The following SLC5A12 variants were observed in gnomAD, a reference collection of about 807,000 sequenced individuals.
The protein encoded by SLC5A12 is sodium-coupled monocarboxylate transporter 2.
A neutral mutation model predicts 72.7 loss-of-function variants in SLC5A12; 46 were observed. The observed-to-expected ratio is 0.63, with a 90% CI of 0.50 to 0.81. The LOEUF is 0.81. Ranked by LOEUF, SLC5A12 falls within the 30% of genes least tolerant of loss-of-function variation. The probability of loss-of-function intolerance (pLI) is 0.00; values close to 1 mark genes in which losing one functional copy is unlikely to be tolerated. For synonymous variants in SLC5A12, 275 were observed against 264.4 expected, an observed-to-expected ratio of 1.04 and a Z score of -0.39; for missense variants, 683 against 740.7, an observed-to-expected ratio of 0.92 and a Z score of 0.90.
chr11:26,708,370 T>C (rs1165751757), intron 4 of SLC5A12, among the ~76,000 whole-genome samples: 1 of 151,948 alleles, frequency 6.6e-6, no homozygotes, highest in Non-Finnish European at 1.5e-5. Flanking sequence ...AGAATCATGG[T>C]AATGAGAATG....
intron 13 of SLC5A12, among the ~76,000 whole-genome samples, chr11:26,677,516 T>C (rs61877308): frequency 0.031 from 4,730 of 152,164 alleles, 101 homozygotes; most frequent in Non-Finnish European, 0.049. Context: ...TCTAGGTATA[T>C]CCCACTAGCA....
chr11:26,690,357 A>G (rs1416702100), intron 9 of SLC5A12, among the ~76,000 whole-genome samples: 1 of 152,120 alleles, frequency 6.6e-6, no homozygotes, highest in East Asian at 1.9e-4. Flanking sequence ...TATAATATAA[A>G]ACAAGATGGT....
Position 26,721,962 on chromosome 11 carries a change from C to A in SLC5A12, c.-248G>T. 2.0e-6 allele frequency: 1 copy of A among 500,560 alleles called. No homozygotes were observed. Among genetic ancestry groups the A allele is most frequent in the Non-Finnish European group, 3.6e-6 (1 of 281,182 alleles). The allele number at this position is 500,560 out of a possible 1,614,324, so 31.0% of individuals were successfully genotyped here. ...GCACCAAGAGATGAGAATTTGAAAT[C>A]TGACCCTAGCTAAGAGCTGTCTGCT... On this transcript the variant is annotated 5_prime_UTR_variant, in exon 1 of 15. Coordinates refer to ENST00000396005, the MANE Select transcript of SLC5A12 (RefSeq NM_178498.4).
intron 13 of SLC5A12, among the ~76,000 whole-genome samples, chr11:26,676,354 GAAAACAAA>G (rs1225433274): frequency 1.1e-4 from 12 of 107,348 alleles, no homozygotes; most frequent in East Asian, 7.8e-4. Flanking sequence ...TCTGTTTCTA[GAAAACAAA>G]AAAAAAAAAA....
chr11:26,710,480 C>A (rs1226750147), intron 3 of SLC5A12, among the ~76,000 whole-genome samples: 5 of 152,072 alleles, frequency 3.3e-5, no homozygotes, highest in Non-Finnish European at 7.4e-5. Flanking sequence ...AAAAGCATTC[C>A]TATTTCTCCA....
rs142379428 is a variant in SLC5A12 at position 26,717,655 on chromosome 11, G to A, written c.339+3721C>T. ...AGTTGGCTATTGCTATATAACACTC[G>A]CCTCCAAACTCATTGGCTCAAAAAC... is the stretch of plus-strand genomic sequence containing the variant. On this transcript the variant is annotated intron_variant, in intron 1 of 14. Coordinates refer to ENST00000396005, the MANE Select transcript of SLC5A12 (RefSeq NM_178498.4). Among the ~76,000 whole-genome samples, 219 of 152,158 alleles carry A rather than the reference G, an allele frequency of 1.4e-3. 2 individuals carry two copies. Among genetic ancestry groups the A allele is most frequent in the African/African-American group, 4.9e-3 (204 of 41,512 alleles).
intron 9 of SLC5A12, among the ~76,000 whole-genome samples, chr11:26,689,187 G>A (rs1258431342): frequency 6.6e-6 from 1 of 151,838 alleles, no homozygotes; most frequent in African/African-American, 2.4e-5. Context: ...GCTGAGGTCA[G>A]GAGTTTGAGA....
Position 26,681,877 on chromosome 11 carries a change from A to T in SLC5A12, c.1309-656T>A, listed in dbSNP as rs145411560. ...GCTAGGAAACTGAGCCTTCTGAGTC[A>T]GAGAAAAGAAACCTGTTGGCTTCTC... is the stretch of plus-strand genomic sequence containing the variant. On this transcript the variant is annotated intron_variant, in intron 11 of 14. Transcript: ENST00000396005. 3.0e-3 allele frequency among the ~76,000 whole-genome samples: 464 copies of T among 152,184 alleles called. 1 individual carries two copies. Among genetic ancestry groups the T allele is most frequent in the Non-Finnish European group, 5.4e-3 (367 of 67,998 alleles).
rs961204597 is a variant in SLC5A12 at position 26,671,001 on chromosome 11, G to A, written c.*101C>T. On this transcript the variant is annotated 3_prime_UTR_variant, in exon 15 of 15. Coordinates refer to ENST00000396005, the MANE Select transcript of SLC5A12 (RefSeq NM_178498.4). The stretch of plus-strand genomic sequence containing the variant: ...CAGACATCCCTGTCTTCTAGCAATG[G>A]CAACTATACATATCTACTAACAAGT... The A allele has an allele frequency of 1.9e-6, 2 of 1,059,198 alleles. No homozygotes were observed. Among genetic ancestry groups the A allele is most frequent in the African/African-American group, 3.3e-5 (2 of 60,862 alleles). The allele number at this position is 1,059,198 out of a possible 1,614,324, so 65.6% of individuals were successfully genotyped here.
intron 4 of SLC5A12, 28 bp from the exon 5 acceptor site, chr11:26,703,975 TGAAAACAAACCCTGTAACTG>T (rs750967937): frequency 6.2e-7 from 1 of 1,612,088 alleles, no homozygotes; most frequent in East Asian, 2.2e-5. Context: ...TTTGAGTCCT[TGAAAACAAACCCTGTAACTG>T]TACTGGCTCT....
Position 26,689,148 on chromosome 11 carries a change from C to CA in SLC5A12, c.1154-2605dup, listed in dbSNP as rs1316373652. Among the ~76,000 whole-genome samples the CA allele has an allele frequency of 2.0e-5, 3 of 149,576 alleles. No individual in the cohort carries two copies. In the East Asian group the frequency reaches 5.9e-4, roughly 29 times the overall value. The stretch of plus-strand genomic sequence containing the variant: ...CGGTGGCTCATGCCTGTAATCCCAG[C>CA]ACTTAGGGAGGCCTAGGCAGGCGGA... On this transcript the variant is annotated intron_variant, in intron 9 of 14. Transcript: ENST00000396005.
upstream of SLC5A12, among the ~76,000 whole-genome samples, chr11:26,723,035 T>C (rs1313294243): frequency 6.6e-6 from 1 of 150,578 alleles, no homozygotes; most frequent in Non-Finnish European, 1.5e-5. Context: ...GCTGTTCAAA[T>C]GACATTTCCT....
chr11:26,683,382 A>G (rs1854452869), intron 11 of SLC5A12, among the ~76,000 whole-genome samples: 1 of 152,200 alleles, frequency 6.6e-6, no homozygotes, highest in Admixed American at 6.6e-5. Flanking sequence ...TATACACAGA[A>G]AACAATGAGA....
At chr11:26,683,706 G>T (rs1854460060) in intron 11 of SLC5A12, 51 bp downstream of exon 11, 2 of 1,461,932 alleles carry the variant, frequency 1.4e-6, no homozygotes, top group Non-Finnish European at 1.9e-6. Context: ...AGAGAAAACG[G>T]CTGGGCCCAG....
intron 11 of SLC5A12, 63 bp downstream of exon 11, chr11:26,683,692 GGA>G: frequency 7.6e-7 from 1 of 1,310,544 alleles, no homozygotes; most frequent in African/African-American, 1.5e-5. Flanking sequence ...AGGGCTGAGA[GGA>G]GAGAGAAAAC....
At chr11:26,713,632 G>A (rs1855282944) in intron 1 of SLC5A12, among the ~76,000 whole-genome samples, 1 of 152,048 alleles carries the variant, frequency 6.6e-6, no homozygotes, top group African/African-American at 2.4e-5. Context: ...CTAATATTAA[G>A]ACTTTTTCAT....
chr11:26,669,187 T>TCTTTCTTTCTTTCTTTCTTTC lies in SLC5A12; in HGVS notation c.*1914_*1915insGAAAGAAAGAAAGAAAGAAAG. 9.0e-6 allele frequency: 1 copy of TCTTTCTTTCTTTCTTTCTTTC among 111,004 alleles called. No homozygotes were observed. Among genetic ancestry groups the TCTTTCTTTCTTTCTTTCTTTC allele is most frequent in the South Asian group, 2.8e-4 (1 of 3,546 alleles). 6.9% of individuals were successfully genotyped at this position (111,004 alleles called of 1,614,324 possible). A position where few individuals can be genotyped will look rare whatever the true frequency, so the allele number is the denominator to read the frequency against. Reference sequence around the variant, plus strand: ...TGTCTTTTTCTTTCTTTCTTTCTTCTTTTCTTTCTTTCTTTCTTTCTTTCT... The same window carrying TCTTTCTTTCTTTCTTTCTTTC: ...TGTCTTTTTCTTTCTTTCTTTCTTCTCTTTCTTTCTTTCTTTCTTTCTTTCTTTCTTTCTTTCTTTCTTTCT... On this transcript the variant is annotated 3_prime_UTR_variant, in exon 15 of 15. Transcript: ENST00000396005.
intron 12 of SLC5A12, among the ~76,000 whole-genome samples, chr11:26,680,646 G>C (rs1006286428): frequency 6.6e-5 from 10 of 151,770 alleles, no homozygotes; most frequent in Non-Finnish European, 1.5e-4. Flanking sequence ...TGTTCATATT[G>C]TTTGGTTTAG....
chr11:26,703,417 C>CACAT, intron 6 of SLC5A12, 114 bp downstream of exon 6: 4 of 720,878 alleles, frequency 5.5e-6, no homozygotes, highest in Admixed American at 3.2e-5. Context: ...CTCTTACACA[C>CACAT]ACATACATAC....
Sources: gnomAD v4.1 joint callset for allele counts (sites outside exome capture counted in the v4.1 genomes callset) on GRCh38, gnomAD v4.1.1 for gene constraint, MANE v1.5 for transcripts, NCBI Gene and HGNC (gene_info 2026-07-23, HGNC 2026-07-21) for gene names.